The following ARID4B variants were observed in gnomAD, a reference collection of about 807,000 sequenced individuals.
The protein encoded by ARID4B is AT-rich interactive domain-containing protein 4B.
ARID4B carries 26 observed loss-of-function variants against 147.5 expected under a neutral mutation model. That is an observed-to-expected ratio of 0.18 (90% confidence interval 0.13 to 0.24). The LOEUF is 0.24. Ranked by LOEUF, ARID4B falls within the 10% of genes least tolerant of loss-of-function variation. The pLI, the probability that ARID4B is intolerant of heterozygous loss-of-function variation, is 1.00. For synonymous variants in ARID4B, 512 were observed against 507.9 expected (o/e 1.01, Z -0.11); for missense variants, 1,179 against 1,511.5 (o/e 0.78, Z 3.65).
chr1:235,198,138 G>T (rs982233303), intron 17 of ARID4B, among the ~76,000 whole-genome samples: 1 of 152,168 alleles, frequency 6.6e-6, no homozygotes, highest in Admixed American at 6.5e-5. Context: ...GTCAGTTCAT[G>T]ATGGCTGCAC....
intron 17 of ARID4B, among the ~76,000 whole-genome samples, chr1:235,200,347 T>C (rs377512383): frequency 1.2e-4 from 18 of 152,078 alleles, no homozygotes; most frequent in African/African-American, 4.1e-4. Context: ...TAGTCCTAGC[T>C]ACTTGGGATG....
chr1:235,197,732 G>GTT (rs575652206), intron 17 of ARID4B, among the ~76,000 whole-genome samples: 5 of 152,046 alleles, frequency 3.3e-5, no homozygotes, highest in African/African-American at 9.7e-5. Flanking sequence ...CCATATATGG[G>GTT]TTTTTTTGTA....
At chr1:235,255,287 CTATATA>C (rs558596691) in intron 5 of ARID4B, among the ~76,000 whole-genome samples, 1 of 136,502 alleles carries the variant, frequency 7.3e-6, no homozygotes, top group African/African-American at 2.6e-5. Flanking sequence ...CTCTCTCTCT[CTATATA>C]TATATATACA....
intron 2 of ARID4B, among the ~76,000 whole-genome samples, chr1:235,290,036 A>T (rs1268711689): frequency 2.7e-5 from 2 of 75,424 alleles, no homozygotes; most frequent in African/African-American, 6.6e-5. Context: ...TCTATCTCTA[A>T]AAAAAAAAAA....
chr1:235,215,747 T>C (rs915219478), intron 16 of ARID4B, among the ~76,000 whole-genome samples: 7 of 151,778 alleles, frequency 4.6e-5, no homozygotes, highest in African/African-American at 1.7e-4. Flanking sequence ...CACACCCAGA[T>C]AGTTTTTTAT....
chr1:235,186,256 C>A (rs1236888457), intron 19 of ARID4B, among the ~76,000 whole-genome samples: 1 of 151,758 alleles, frequency 6.6e-6, no homozygotes, highest in Non-Finnish European at 1.5e-5. Flanking sequence ...CGTGAGCCAC[C>A]GCGCCTGGCC....
At chr1:235,244,403 T>C (rs1456314395) in intron 7 of ARID4B, among the ~76,000 whole-genome samples, 2 of 152,026 alleles carry the variant, frequency 1.3e-5, no homozygotes, top group East Asian at 1.9e-4. Flanking sequence ...TTAAACACAA[T>C]CGCTGCAAAC....
Position 235,220,494 on chromosome 1 carries a change from C to G in ARID4B, c.1215G>C (p.Gln405His). 1.2e-6 allele frequency: 2 copies of G among 1,612,338 alleles called. No individual in the cohort carries two copies. The highest frequency in any genetic ancestry group is 1.7e-6 in the Non-Finnish European group (2 of 1,178,782). Reference protein sequence around the residue: ...EYCRSANIEFQMALPEKVVNK... With the variant: ...EYCRSANIEFHMALPEKVVNK... ...TAACAACTTTCTCTGGCAATGCCAT[C>G]TGAAATTCAATGTTGGCTGATCTAC... Residue 405 changes from glutamine to histidine, a missense_variant, in exon 15 of 24, where the codon CAG becomes CAC. Gln to His is a conservative substitution (Grantham distance 24, BLOSUM62 0). Transcript: ENST00000264183.
intron 8 of ARID4B, among the ~76,000 whole-genome samples, chr1:235,235,109 T>C (rs1271947778): frequency 6.6e-6 from 1 of 152,058 alleles, no homozygotes; most frequent in Non-Finnish European, 1.5e-5. Flanking sequence ...TCCAAGATAA[T>C]TAGGGAAGTA....
rs1194611340 is a variant in ARID4B at position 235,308,749 on chromosome 1, T to C, written c.6+18165A>G. On this transcript the variant is annotated intron_variant, in intron 2 of 23. Transcript: ENST00000264183. Reference sequence around the variant, plus strand: ...GCCTCAGCCTCCCGAGGTGCCGGGATTGCAGACGGAGTCTGGTTCACTCAG... The same window carrying C: ...GCCTCAGCCTCCCGAGGTGCCGGGACTGCAGACGGAGTCTGGTTCACTCAG... Among the ~76,000 whole-genome samples the C allele has an allele frequency of 2.0e-5, 3 of 152,286 alleles. No individual in the cohort carries two copies. In the East Asian group the frequency reaches 5.8e-4, roughly 29 times the overall value.
intron 2 of ARID4B, among the ~76,000 whole-genome samples, chr1:235,281,877 T>C (rs1318893344): frequency 6.6e-6 from 1 of 152,066 alleles, no homozygotes. Context: ...AAATCAGAAA[T>C]ACAAAAATTA....
At chr1:235,312,859 G>A (rs1451721448) in intron 2 of ARID4B, among the ~76,000 whole-genome samples, 1 of 152,104 alleles carries the variant, frequency 6.6e-6, no homozygotes, top group East Asian at 1.9e-4. Context: ...TGTAGTCCTA[G>A]CTACTCAGGA....
chr1:235,207,834 A>C (rs1666420317), intron 17 of ARID4B, among the ~76,000 whole-genome samples: 1 of 152,190 alleles, frequency 6.6e-6, no homozygotes, highest in African/African-American at 2.4e-5. Flanking sequence ...TCCTAAGAGG[A>C]TTTAATTTGT....
rs1327978237 is a variant in ARID4B, at chr1:235,167,269, C to T, written c.*1256G>A. On this transcript the variant is annotated 3_prime_UTR_variant, in exon 24 of 24. Transcript: ENST00000264183. ...CCCCATCCAAAAAAAGTACACAGAA[C>T]TACAATTAAAACAGTAAAACAGTCT... The T allele has an allele frequency of 9.3e-6, 2 of 215,800 alleles. No individual in the cohort carries two copies. Among genetic ancestry groups the T allele is most frequent in the Non-Finnish European group, 1.9e-5 (2 of 106,908 alleles). The allele number at this position is 215,800 out of a possible 1,614,324, so 13.4% of individuals were successfully genotyped here.
rs564884546 is a variant in ARID4B at position 235,251,065 on chromosome 1, G to A, written c.354+1665C>T. Among the ~76,000 whole-genome samples, 77 of 152,154 alleles carry A rather than the reference G, an allele frequency of 5.1e-4. No individual in the cohort carries two copies. In the South Asian group the frequency reaches 0.014, roughly 28 times the overall value. ...CACTATACTTGCCCCAAAGCTGTCT[G>A]TATTTATTGTATGTAAACCTTCAGT... On this transcript the variant is annotated intron_variant, in intron 6 of 23. Transcript: ENST00000264183.
chr1:235,317,980 G>T (rs993492056), intron 2 of ARID4B, among the ~76,000 whole-genome samples: 1 of 152,036 alleles, frequency 6.6e-6, no homozygotes, highest in Non-Finnish European at 1.5e-5. Flanking sequence ...GGACCCAAGA[G>T]AATTAAAAAT....
chr1:235,184,140 T>G (rs954722212), intron 19 of ARID4B, among the ~76,000 whole-genome samples: 4 of 152,232 alleles, frequency 2.6e-5, no homozygotes, highest in Admixed American at 2.6e-4. Flanking sequence ...ATTTCCATGA[T>G]GTTTTAAAGA....
chr1:235,279,279 G>C (rs1345863908), intron 2 of ARID4B, among the ~76,000 whole-genome samples: 1 of 152,008 alleles, frequency 6.6e-6, no homozygotes, highest in Non-Finnish European at 1.5e-5. Context: ...ATTTGTAATA[G>C]ATATGCTCAG....
chr1:235,255,220 T>TATATATATATAGAGAGAGAGAGAG (rs1264196304), intron 5 of ARID4B, among the ~76,000 whole-genome samples: 8 of 62,338 alleles, frequency 1.3e-4, no homozygotes, highest in South Asian at 6.1e-4. Flanking sequence ...TGCTGGGAGC[T>TATATATATATAGAGAGAGAGAGAG]AGATAGATAG....
Sources: allele counts gnomAD v4.1 joint callset (sites outside exome capture counted in the v4.1 genomes callset), GRCh38; gene constraint gnomAD v4.1.1; transcripts MANE v1.5; gene names NCBI Gene and HGNC (gene_info 2026-07-23, HGNC 2026-07-21).